The following DRC11 variants were observed in gnomAD, a reference collection of about 807,000 sequenced individuals.
The protein encoded by DRC11 is dynein regulatory complex subunit 11.
chr2:236,407,884 G>A, the DRC11 span: 1 of 404,942 alleles, frequency 2.5e-6, no homozygotes, highest in Non-Finnish European at 4.8e-6. Context: ...TCTTTCTTGA[G>A]TGGTTTCATG....
chr2:236,436,718 T>C, the DRC11 span, among the ~76,000 whole-genome samples: 9 of 152,142 alleles, frequency 5.9e-5, no homozygotes, highest in African/African-American at 1.9e-4. Context: ...CACAACTAAT[T>C]TGGCCAAATT....
chr2:236,358,180 C>A, the DRC11 span, among the ~76,000 whole-genome samples: 2 of 116,442 alleles, frequency 1.7e-5, no homozygotes, highest in Admixed American at 9.6e-5. Context: ...AATATATATA[C>A]TCTATGAATA....
the DRC11 span, among the ~76,000 whole-genome samples, chr2:236,343,361 T>G: frequency 6.6e-6 from 1 of 152,114 alleles, no homozygotes; most frequent in African/African-American, 2.4e-5. This position sits in a 1 kb window ranked among gnomAD's most constrained non-coding sequence, Gnocchi z 6.6. Context: ...CAGGGCACTG[T>G]GGGAGAATGC....
chr2:236,358,268 AAT>A, the DRC11 span, among the ~76,000 whole-genome samples: 1 of 133,546 alleles, frequency 7.5e-6, no homozygotes, highest in Non-Finnish European at 1.5e-5. Context: ...ATGAATATAT[AAT>A]ATATAGATAT....
the DRC11 span, among the ~76,000 whole-genome samples, chr2:236,471,622 T>G: frequency 6.6e-6 from 1 of 152,212 alleles, no homozygotes; most frequent in Non-Finnish European, 1.5e-5. The surrounding 1 kb of genome is among the most constrained non-coding windows in gnomAD (Gnocchi z 4.6). Flanking sequence ...TGCCAGACAC[T>G]AGTTTAAATC....
At chr2:236,467,878 T>A in the DRC11 span, among the ~76,000 whole-genome samples, 1 of 152,188 alleles carries the variant, frequency 6.6e-6, no homozygotes, top group Non-Finnish European at 1.5e-5. Context: ...AACACAAATG[T>A]ACACACACAT....
chr2:236,407,279 A>C, the DRC11 span, among the ~76,000 whole-genome samples: 1 of 152,194 alleles, frequency 6.6e-6, no homozygotes, highest in African/African-American at 2.4e-5. Context: ...TATCTGGGTT[A>C]ATTTTTGTCG....
chr2:236,380,549 A>G, the DRC11 span: 17 of 1,546,688 alleles, frequency 1.1e-5, no homozygotes, highest in African/African-American at 2.2e-4. The surrounding 1 kb of genome is among the most constrained non-coding windows in gnomAD (Gnocchi z 4.9). Flanking sequence ...GCATCACAAC[A>G]CAACGAGTCC....
At chr2:236,438,255 A>G in the DRC11 span, among the ~76,000 whole-genome samples, 8 of 135,946 alleles carry the variant, frequency 5.9e-5, no homozygotes, top group Non-Finnish European at 1.3e-4. Flanking sequence ...ATAGTTGTAG[A>G]TATGCGGCGT....
At chr2:236,338,393 G>GA in the DRC11 span, 555,153 of 1,549,552 alleles carry the variant, frequency 0.36, 95,460 homozygotes, top group African/African-American at 0.48. Context: ...CTGGGAGAGA[G>GA]AAAAAAAAAT....
At chr2:236,458,201 G>C in the DRC11 span, among the ~76,000 whole-genome samples, 1 of 152,164 alleles carries the variant, frequency 6.6e-6, no homozygotes, top group African/African-American at 2.4e-5. Context: ...GTGTTTGCTT[G>C]ATGAACAACT....
At chr2:236,339,713 A>C in the DRC11 span, among the ~76,000 whole-genome samples, 1 of 152,220 alleles carries the variant, frequency 6.6e-6, no homozygotes, top group Non-Finnish European at 1.5e-5. Context: ...AACGAACTGT[A>C]ATGTAAGGCT....
chr2:236,392,020 T>C, the DRC11 span: 28 of 1,613,916 alleles, frequency 1.7e-5, no homozygotes, highest in African/African-American at 3.3e-4. The surrounding 1 kb of genome is among the most constrained non-coding windows in gnomAD (Gnocchi z 5.1). Flanking sequence ...TCCCTTTCTC[T>C]GTCCACAGCT....
At chr2:236,480,831 G>A in the DRC11 span, among the ~76,000 whole-genome samples, 3 of 152,206 alleles carry the variant, frequency 2.0e-5, no homozygotes, top group African/African-American at 7.2e-5. Context: ...ATTTATTCCA[G>A]TCTTTTCTGT....
At chr2:236,477,924 C>T in the DRC11 span, among the ~76,000 whole-genome samples, 5 of 151,996 alleles carry the variant, frequency 3.3e-5, no homozygotes, top group African/African-American at 9.6e-5. Flanking sequence ...GGTCTTCTCT[C>T]TTTTTTCCTC....
At chr2:236,416,761 ATATATAT>A in the DRC11 span, among the ~76,000 whole-genome samples, 17 of 92,342 alleles carry the variant, frequency 1.8e-4, no homozygotes, top group South Asian at 1.0e-3. Context: ...ATATATATAT[ATATATAT>A]AAATAATTTT....
chr2:236,486,956 G>A, the DRC11 span: 1 of 1,364,444 alleles, frequency 7.3e-7, no homozygotes, highest in Non-Finnish European at 1.0e-6. The surrounding 1 kb of genome is among the most constrained non-coding windows in gnomAD (Gnocchi z 5.7). Context: ...AGAAAACATG[G>A]CTTGCAGTTT....
At chr2:236,447,337 GAGA>G in the DRC11 span, among the ~76,000 whole-genome samples, 4 of 151,660 alleles carry the variant, frequency 2.6e-5, no homozygotes, top group Non-Finnish European at 5.9e-5. The surrounding 1 kb of genome is among the most constrained non-coding windows in gnomAD (Gnocchi z 4.6). Flanking sequence ...GTGTCCTCGT[GAGA>G]AGAAGAAATG....
the DRC11 span, chr2:236,497,565 T>A: frequency 1.0e-6 from 1 of 963,170 alleles, no homozygotes; most frequent in Non-Finnish European, 1.5e-6. The surrounding 1 kb of genome is among the most constrained non-coding windows in gnomAD (Gnocchi z 5.1). Context: ...GCCTCTGGTA[T>A]AGCAAAATAT....
Sources: gnomAD v4.1 joint callset for allele counts (sites outside exome capture counted in the v4.1 genomes callset) on GRCh38, gnomAD v4.1.1 for gene constraint, Gnocchi (gnomAD v3.1) non-coding constraint, MANE v1.5 for transcripts, NCBI Gene and HGNC (gene_info 2026-07-23, HGNC 2026-07-21) for gene names.